The following FSTL5 variants were observed in gnomAD, a reference collection of about 807,000 sequenced individuals.
FSTL5 encodes follistatin-related protein 5.
A neutral mutation model predicts 89.1 loss-of-function variants in FSTL5; 62 were observed. The observed-to-expected ratio is 0.70, with a 90% CI of 0.57 to 0.86. The LOEUF is 0.86. Ranked by LOEUF, FSTL5 falls within the 40% of genes least tolerant of loss-of-function variation. FSTL5 has a pLI of 0.00. For synonymous variants in FSTL5, 383 were observed against 346.2 expected (o/e 1.11, Z -1.18); for missense variants, 1,057 against 1,001.6 (o/e 1.06, Z -0.75).
At chr4:161,929,687 G>GTA (rs779500610) in intron 3 of FSTL5, among the ~76,000 whole-genome samples, 1 of 116,512 alleles carries the variant, frequency 8.6e-6, no homozygotes, top group African/African-American at 2.8e-5. Flanking sequence ...GTGTGTGTGT[G>GTA]TGTGTGTGTG....
At chr4:161,814,223 C>T (rs1056057827) in intron 4 of FSTL5, among the ~76,000 whole-genome samples, 5 of 152,094 alleles carry the variant, frequency 3.3e-5, no homozygotes, top group Non-Finnish European at 7.4e-5. Context: ...GTACATAAAA[C>T]ATCAGGACAT....
intron 7 of FSTL5, among the ~76,000 whole-genome samples, chr4:161,644,369 A>G (rs1419452133): frequency 6.6e-6 from 1 of 152,116 alleles, no homozygotes; most frequent in African/African-American, 2.4e-5. Flanking sequence ...TCTACTAAAA[A>G]TACAAAATTA....
intron 8 of FSTL5, among the ~76,000 whole-genome samples, chr4:161,578,849 A>C (rs1446544471): frequency 6.6e-6 from 1 of 152,118 alleles, no homozygotes; most frequent in Non-Finnish European, 1.5e-5. Flanking sequence ...ATAAAAACCA[A>C]AAACTGCCTA....
At chr4:161,404,498 A>G (rs1014428785) in intron 15 of FSTL5, among the ~76,000 whole-genome samples, 8 of 152,100 alleles carry the variant, frequency 5.3e-5, no homozygotes, top group African/African-American at 1.9e-4. Context: ...GTTTTCCACT[A>G]ACAGTGGAAA....
intron 3 of FSTL5, among the ~76,000 whole-genome samples, chr4:161,922,794 A>T (rs1201286145): frequency 6.6e-6 from 1 of 150,520 alleles, no homozygotes; most frequent in Non-Finnish European, 1.5e-5. Context: ...ATTATTTGGA[A>T]GATACTAGGA....
intron 8 of FSTL5, among the ~76,000 whole-genome samples, chr4:161,553,258 A>C (rs1444430332): frequency 6.6e-6 from 1 of 151,392 alleles, no homozygotes; most frequent in African/African-American, 2.4e-5. Flanking sequence ...TATAAACATC[A>C]AATAATTTAT....
rs142473919 is a variant in FSTL5 at position 161,711,328 on chromosome 4, C to T, written c.727+48083G>A. On this transcript the variant is annotated intron_variant, in intron 6 of 15. Transcript: ENST00000306100. ...AAGCTACTAATAGAAGGAAGTGACA[C>T]CACTAACAACCTTAAAGAAAACAAA... 5.4e-3 allele frequency among the ~76,000 whole-genome samples: 819 copies of T among 151,936 alleles called. 5 individuals carry two copies. The highest frequency in any genetic ancestry group is 0.037 in the South Asian group (177 of 4,814).
chr4:161,550,443 C>A (rs1207731768), intron 8 of FSTL5, among the ~76,000 whole-genome samples: 1 of 151,776 alleles, frequency 6.6e-6, no homozygotes, highest in Non-Finnish European at 1.5e-5. Flanking sequence ...CACGTTTAGG[C>A]TCTCCTAATG....
chr4:161,953,772 C>T (rs1303197233), intron 3 of FSTL5, among the ~76,000 whole-genome samples: 1 of 151,460 alleles, frequency 6.6e-6, no homozygotes. Context: ...GTATCTCAGA[C>T]CCTGCAATTA....
intron 7 of FSTL5, among the ~76,000 whole-genome samples, chr4:161,594,308 A>G (rs1005707488): frequency 4.6e-5 from 7 of 152,168 alleles, no homozygotes; most frequent in Non-Finnish European, 8.8e-5. Flanking sequence ...TTATATTCAA[A>G]TATGCAAAAT....
intron 7 of FSTL5, among the ~76,000 whole-genome samples, chr4:161,648,724 C>T (rs1334644055): frequency 1.3e-5 from 2 of 152,068 alleles, no homozygotes; most frequent in Non-Finnish European, 1.5e-5. Context: ...AGTGCCCCTC[C>T]TGTGACACAT....
rs576777417 is a variant in FSTL5 at position 162,137,841 on chromosome 4, C to T, written c.-17+25774G>A. Among the ~76,000 whole-genome samples the T allele has an allele frequency of 3.3e-5, 5 of 152,188 alleles. No homozygotes were observed. In the South Asian group the frequency reaches 1.0e-3, roughly 32 times the overall value. ...AAAAGCAATATCATAGCTAGCATAT[C>T]ATAAACTAACACATTCATTAACAAA... is the stretch of plus-strand genomic sequence containing the variant. On this transcript the variant is annotated intron_variant, in intron 1 of 15. Transcript: ENST00000306100.
intron 1 of FSTL5, among the ~76,000 whole-genome samples, chr4:162,143,454 C>T (rs1732828132): frequency 6.6e-6 from 1 of 152,052 alleles, no homozygotes; most frequent in African/African-American, 2.4e-5. Flanking sequence ...AGACCAAAAG[C>T]AATCCTTCAT....
At chr4:161,776,103 G>C in intron 4 of FSTL5, 29 bp from the exon 5 acceptor site, 2 of 1,124,860 alleles carry the variant, frequency 1.8e-6, no homozygotes, top group Non-Finnish European at 2.5e-6. Flanking sequence ...TTATTTTCAA[G>C]CAATATTATT....
intron 15 of FSTL5, among the ~76,000 whole-genome samples, chr4:161,435,358 G>T (rs1732522225): frequency 6.6e-6 from 1 of 152,036 alleles, no homozygotes; most frequent in Non-Finnish European, 1.5e-5. Flanking sequence ...TTATTTGTGG[G>T]AGCTAAAATT....
In FSTL5 at chr4:161,573,151, T is replaced by G. The variant is rs533651892; in HGVS notation, c.1015+14304A>C. Among the ~76,000 whole-genome samples, 4 of 152,282 alleles carry G rather than the reference T, an allele frequency of 2.6e-5. No individual in the cohort carries two copies. In the South Asian group the frequency reaches 8.3e-4, roughly 32 times the overall value. ...TTGGTCAGGCGTGGTGGCCCACGCC[T>G]GTAGTCCCAGCATTTTGGGAAGCTG... On this transcript the variant is annotated intron_variant, in intron 8 of 15. Transcript: ENST00000306100.
At position 162,152,666 on chromosome 4, in the gene FSTL5, G is replaced by A. The variant is rs1579068012; in HGVS notation, c.-17+10949C>T. 2.6e-5 allele frequency among the ~76,000 whole-genome samples: 4 copies of A among 151,944 alleles called. No homozygotes were observed. The South Asian group carries it at 6.2e-4, about 24-fold the overall frequency. On this transcript the variant is annotated intron_variant, in intron 1 of 15. Transcript: ENST00000306100. The stretch of plus-strand genomic sequence containing the variant: ...GCCATAGTGTCTGGGATAATGAATC[G>A]TTGACATAAATACCAGCTCACTCAA...
At chr4:162,153,751 C>CATATAT (rs1561049131) in intron 1 of FSTL5, among the ~76,000 whole-genome samples, 21 of 128,728 alleles carry the variant, frequency 1.6e-4, no homozygotes, top group African/African-American at 5.7e-4. Context: ...TAATAATATA[C>CATATAT]ATGTATATAT....
At chr4:161,726,798 C>T (rs1439973350) in intron 6 of FSTL5, among the ~76,000 whole-genome samples, 1 of 151,374 alleles carries the variant, frequency 6.6e-6, no homozygotes, top group African/African-American at 2.4e-5. Flanking sequence ...CCTCTGAAAG[C>T]AGATAACCTC....
Sources: allele counts gnomAD v4.1 joint callset (sites outside exome capture counted in the v4.1 genomes callset), GRCh38; gene constraint gnomAD v4.1.1; transcripts MANE v1.5; gene names NCBI Gene and HGNC (gene_info 2026-07-23, HGNC 2026-07-21).